The following SQLE variants were observed in gnomAD, a reference collection of about 807,000 sequenced individuals.
SQLE encodes the protein squalene monooxygenase.
Under a neutral mutation model 60.7 loss-of-function variants are expected in SQLE, and 29 were observed. That is an observed-to-expected ratio of 0.48 (90% CI 0.36 to 0.65). The LOEUF (loss-of-function observed/expected upper bound fraction) is 0.65, where lower values mean the gene tolerates loss of function less well. Among genes scored for constraint, SQLE ranks in the 30% least tolerant of loss-of-function variants. SQLE has a pLI of 0.00. For missense variants in SQLE, 605 were observed against 684.1 expected, an observed-to-expected ratio of 0.88 and a Z score of 1.29; for synonymous variants, 237 against 246.8, an observed-to-expected ratio of 0.96 and a Z score of 0.37.
In SQLE at chr8:125,009,054, A is replaced by G. The variant is rs753644244; in HGVS notation, c.906A>G (p.Val302=). The part of the protein sequence containing the change: ...RKSLVSNKVS[V]SSHFVGFLMK... Reference sequence around the variant, plus strand: ...GCCTGGTCTCCAATAAAGTTTCTGTATCATCTCATTTTGTTGGCTTTCTTA... The same window carrying G: ...GCCTGGTCTCCAATAAAGTTTCTGTGTCATCTCATTTTGTTGGCTTTCTTA... Residue 302 remains valine, a synonymous_variant, in exon 5 of 11, where the codon GTA becomes GTG. Transcript: ENST00000265896. 1.9e-6 allele frequency: 3 copies of G among 1,599,934 alleles called. No individual in the cohort carries two copies. In the African/African-American group the frequency reaches 4.0e-5, roughly 22 times the overall value.
rs1382324153 is a variant in SQLE, at chr8:124,999,470, T to C, written c.67T>C (p.Leu23=). 6.4e-7 allele frequency: 1 copy of C among 1,569,294 alleles called. No individual in the cohort carries two copies. Among genetic ancestry groups the C allele is most frequent in the Non-Finnish European group, 8.6e-7 (1 of 1,157,344 alleles). ...FYKKFGDFIT[L]ANREVLLCVL... Reference sequence around the variant, plus strand: ...TAAGAAGTTCGGGGACTTCATCACTTTGGCCAACAGGGAGGTCCTGTTGTG... The same window carrying C: ...TAAGAAGTTCGGGGACTTCATCACTCTGGCCAACAGGGAGGTCCTGTTGTG... Residue 23 remains leucine, a synonymous_variant, in exon 1 of 11, where the codon TTG becomes CTG. Transcript: ENST00000265896.
intron 6 of SQLE, among the ~76,000 whole-genome samples, chr8:125,010,350 T>TAA (rs2129892085): frequency 6.6e-6 from 1 of 152,330 alleles, no homozygotes; most frequent in East Asian, 1.9e-4. Flanking sequence ...GTACAGTTTT[T>TAA]AGGATCTTTT....
chr8:125,013,139 T>A (rs1815062955), intron 7 of SQLE, among the ~76,000 whole-genome samples: 1 of 152,206 alleles, frequency 6.6e-6, no homozygotes. Context: ...GTCCTTTATA[T>A]ATTTTAGGTA....
intron 2 of SQLE, among the ~76,000 whole-genome samples, chr8:125,004,150 T>C (rs141574240): frequency 1.3e-5 from 2 of 152,194 alleles, no homozygotes; most frequent in Non-Finnish European, 2.9e-5. Context: ...ACTTTTTCAC[T>C]TGACAGAAAC....
At position 125,007,466 on chromosome 8, in the gene SQLE, T is replaced by C. The variant is rs1170798790; in HGVS notation, c.801T>C (p.Asp267=). The C allele has an allele frequency of 3.9e-6, 6 of 1,549,398 alleles. No individual in the cohort carries two copies. The highest frequency in any genetic ancestry group is 5.2e-6 in the Non-Finnish European group (6 of 1,145,446). Residue 267 remains aspartate, a synonymous_variant, in exon 4 of 11, where the codon GAT becomes GAC. Coordinates refer to ENST00000265896, the MANE Select transcript of SQLE (RefSeq NM_003129.4). ...TTGTGATGGGAGTTCAGTACAAGGA[T>C]AAAGAGACTGGAGATATCAAGGTGA... is the stretch of plus-strand genomic sequence containing the variant. ...DDVVMGVQYK[D]KETGDIKELH...
chr8:125,009,420 T>A, intron 6 of SQLE, 77 bp downstream of exon 6: 2 of 1,317,482 alleles, frequency 1.5e-6, no homozygotes, highest in Non-Finnish European at 2.1e-6. Context: ...GGTGAAACAT[T>A]CATCCAGTCA....
Position 124,998,889 on chromosome 8 carries a change from C to G in SQLE, c.-515C>G, listed in dbSNP as rs1814793595. On this transcript the variant is annotated 5_prime_UTR_variant, in exon 1 of 11. Coordinates refer to ENST00000265896, the MANE Select transcript of SQLE (RefSeq NM_003129.4). ...CCTCTGAACCCGCGCCGGCCCGCAG[C>G]CCCCGTGCCTTCCGGCCGCTGCTCG... 4 of 378,624 alleles carry G rather than the reference C, an allele frequency of 1.1e-5. No homozygotes were observed. The highest frequency in any genetic ancestry group is 1.9e-5 in the Non-Finnish European group (4 of 212,612). 23.5% of individuals were successfully genotyped at this position (378,624 alleles called of 1,614,324 possible). A position where few individuals can be genotyped will look rare whatever the true frequency, so the allele number is the denominator to read the frequency against.
At chr8:125,017,671 G>T (rs1815131136) in intron 7 of SQLE, among the ~76,000 whole-genome samples, 2 of 152,296 alleles carry the variant, frequency 1.3e-5, no homozygotes, top group Admixed American at 1.3e-4. Flanking sequence ...TTTCCTGTGT[G>T]GGAGGGGGAT....
chr8:125,003,071 C>T (rs1814883367), intron 1 of SQLE, 105 bp from the exon 2 acceptor site: 8 of 1,045,770 alleles, frequency 7.6e-6, no homozygotes, highest in South Asian at 2.2e-5. Flanking sequence ...TATTTAGTAT[C>T]TAGCTTTAGC....
At position 124,998,949 on chromosome 8, in the gene SQLE, GC is replaced by G. The variant is rs1371463850; in HGVS notation, c.-453del. Reference sequence around the variant, plus strand: ...GAGGCTAGGCCACGTTTCCCCCAGTGCCGAGGTGTTTCTGTGACCCTCCCTC... The same window carrying G: ...GAGGCTAGGCCACGTTTCCCCCAGTGCGAGGTGTTTCTGTGACCCTCCCTC... On this transcript the variant is annotated 5_prime_UTR_variant, in exon 1 of 11. Transcript: ENST00000265896. The G allele has an allele frequency of 3.0e-6, 1 of 329,894 alleles. No individual in the cohort carries two copies. The highest frequency in any genetic ancestry group is 2.1e-5 in the African/African-American group (1 of 47,018). The allele number at this position is 329,894 out of a possible 1,614,324, so 20.4% of individuals were successfully genotyped here.
intron 7 of SQLE, among the ~76,000 whole-genome samples, chr8:125,015,364 G>C (rs570538924): frequency 2.0e-5 from 3 of 152,012 alleles, no homozygotes; most frequent in African/African-American, 4.8e-5. Flanking sequence ...TACGCCTTTC[G>C]AGTGGAGTTT....
chr8:125,011,887 T>A (rs981397087), intron 7 of SQLE, among the ~76,000 whole-genome samples: 1 of 150,422 alleles, frequency 6.6e-6, no homozygotes, highest in African/African-American at 2.5e-5. Flanking sequence ...TACTTAGGAA[T>A]GTAGACAGAT....
rs2129909236 is a variant in SQLE at position 125,018,337 on chromosome 8, C to G, written c.1347+136C>G. ...ATAGCTCTTAGGCATCTTGCTTAGG[C>G]TTAAAGAACCTGACTTGCAACCTGT... On this transcript the variant is annotated intron_variant, in intron 8 of 10. Coordinates refer to ENST00000265896, the MANE Select transcript of SQLE (RefSeq NM_003129.4). 3 of 882,028 alleles carry G rather than the reference C, an allele frequency of 3.4e-6. No individual in the cohort carries two copies. The South Asian group carries it at 5.5e-5, about 16-fold the overall frequency. 54.6% of individuals were successfully genotyped at this position (882,028 alleles called of 1,614,324 possible).
chr8:125,015,949 A>G (rs1475190194), intron 7 of SQLE, among the ~76,000 whole-genome samples: 1 of 148,980 alleles, frequency 6.7e-6, no homozygotes, highest in Non-Finnish European at 1.5e-5. Flanking sequence ...TAAGATTTCC[A>G]CTAAGTCTAC....
At chr8:125,008,537 A>T (rs959717015) in intron 4 of SQLE, among the ~76,000 whole-genome samples, 11 of 152,248 alleles carry the variant, frequency 7.2e-5, no homozygotes, top group African/African-American at 2.7e-4. Flanking sequence ...TTATAAATAC[A>T]TGTAGTCATT....
At chr8:125,002,701 C>CA (rs967106025) in intron 1 of SQLE, among the ~76,000 whole-genome samples, 4 of 151,756 alleles carry the variant, frequency 2.6e-5, no homozygotes, top group South Asian at 2.1e-4. Flanking sequence ...AAAAAACAAA[C>CA]AAAAAAAAGA....
Position 124,999,632 on chromosome 8 carries a change from G to A in SQLE, c.229G>A (p.Gly77Ser). 1 of 1,612,654 alleles carries A rather than the reference G, an allele frequency of 6.2e-7. No homozygotes were observed. The highest frequency in any genetic ancestry group is 1.1e-5 in the South Asian group (1 of 90,838). Residue 77 changes from glycine to serine, a missense_variant, in exon 1 of 11, where the codon GGC becomes AGC. Transcript: ENST00000265896. ...SDILSGLPFI[G>S]FFWAKSPPES... Reference sequence around the variant, plus strand: ...TATTCTCTCAGGCCTGCCTTTCATTGGCTTCTTCTGGGCCAAATCCCCCCC... The same window carrying A: ...TATTCTCTCAGGCCTGCCTTTCATTAGCTTCTTCTGGGCCAAATCCCCCCC...
chr8:125,017,768 T>C (rs1815133022), intron 7 of SQLE, among the ~76,000 whole-genome samples: 2 of 152,214 alleles, frequency 1.3e-5, no homozygotes, highest in African/African-American at 4.8e-5. Flanking sequence ...TACAAATGTA[T>C]TGACATTATT....
At chr8:125,009,426 A>G in intron 6 of SQLE, 83 bp downstream of exon 6, 1 of 1,279,744 alleles carries the variant, frequency 7.8e-7, no homozygotes, top group Non-Finnish European at 1.1e-6. Flanking sequence ...ACATTCATCC[A>G]GTCAACCAGA....
Sources: allele counts gnomAD v4.1 joint callset (sites outside exome capture counted in the v4.1 genomes callset), GRCh38; gene constraint gnomAD v4.1.1; transcripts MANE v1.5; gene names NCBI Gene and HGNC (gene_info 2026-07-23, HGNC 2026-07-21).